The following POLN variants were observed in gnomAD, a reference collection of about 807,000 sequenced individuals.
The protein encoded by POLN is DNA polymerase N.
In POLN, 108 loss-of-function variants were observed where a neutral mutation model predicts 113.5. The ratio of observed to expected loss-of-function variants is 0.95; its 90% CI spans 0.81 to 1.12. The LOEUF (loss-of-function observed/expected upper bound fraction) is 1.12. Among genes scored for constraint, POLN ranks in the 50% most tolerant of loss-of-function variants. The pLI is 0.00. For missense variants in POLN, 1,097 were observed against 1,077.1 expected, an observed-to-expected ratio of 1.02 and a Z score of -0.26; for synonymous variants, 386 against 391.5, an observed-to-expected ratio of 0.99 and a Z score of 0.17.
intron 23 of POLN, chr4:2,078,473 CTT>C (rs943435658): frequency 0.017 from 8,615 of 515,570 alleles, no homozygotes; most frequent in Non-Finnish European, 0.019. Flanking sequence ...TCTTCTTCTT[CTT>C]TTTTTTTTTT....
intron 5 of POLN, among the ~76,000 whole-genome samples, chr4:2,205,905 A>G (rs1733831462): frequency 6.6e-6 from 1 of 151,898 alleles, no homozygotes; most frequent in African/African-American, 2.4e-5. Flanking sequence ...CTTAAAATTC[A>G]TATGGAGCAA....
chr4:2,176,574 G>A (rs984836438), intron 8 of POLN, among the ~76,000 whole-genome samples: 1 of 152,142 alleles, frequency 6.6e-6, no homozygotes, highest in African/African-American at 2.4e-5. Flanking sequence ...CCTCCCAACC[G>A]AGGGTATTTC....
chr4:2,184,698 G>A (rs1041880907), intron 7 of POLN, among the ~76,000 whole-genome samples: 1 of 152,118 alleles, frequency 6.6e-6, no homozygotes, highest in Admixed American at 6.5e-5. Context: ...TGAAGAAATG[G>A]CTAATTTCAG....
At chr4:2,097,366 T>C (rs938064562) in intron 19 of POLN, among the ~76,000 whole-genome samples, 17 of 151,900 alleles carry the variant, frequency 1.1e-4, no homozygotes, top group Non-Finnish European at 2.5e-4. Flanking sequence ...TTTTTTTTTT[T>C]TTGAGACAGA....
intron 19 of POLN, among the ~76,000 whole-genome samples, chr4:2,113,410 T>C (rs1731245067): frequency 6.6e-6 from 1 of 152,028 alleles, no homozygotes; most frequent in Admixed American, 6.6e-5. Context: ...AAAGATATTA[T>C]AATATGCATC....
intron 2 of POLN, chr4:2,236,338 C>A (rs1258450753): frequency 6.2e-7 from 1 of 1,612,930 alleles, no homozygotes; most frequent in Non-Finnish European, 8.5e-7. Flanking sequence ...GCAGATACTG[C>A]CAACTGATCT....
chr4:2,198,682 TAAC>T lies in POLN; in HGVS notation c.747_749del (p.Leu250del), dbSNP rs1733640773. ...GGCCACCCTCTGCTTGGCGTTTTACTAACACCACAATTCCTCTAACAGAAGAAA... is the reference window on the plus strand; with the variant it reads ...GGCCACCCTCTGCTTGGCGTTTTACTACCACAATTCCTCTAACAGAAGAAA... On this transcript the variant is annotated inframe_deletion, in exon 6 of 26. Coordinates refer to ENST00000511885, the MANE Select transcript of POLN (RefSeq NM_181808.4). 1 of 1,612,518 alleles carries T rather than the reference TAAC, an allele frequency of 6.2e-7. No individual in the cohort carries two copies. Among genetic ancestry groups the T allele is most frequent in the Non-Finnish European group, 8.5e-7 (1 of 1,179,506 alleles).
intron 7 of POLN, among the ~76,000 whole-genome samples, chr4:2,187,139 T>A (rs747894590): frequency 6.6e-6 from 1 of 152,118 alleles, no homozygotes; most frequent in Non-Finnish European, 1.5e-5. Flanking sequence ...AAAGAGCAAA[T>A]CTAAGAATTA....
In POLN at chr4:2,131,251, T is replaced by C. The variant is rs1251794380; in HGVS notation, c.1771A>G (p.Thr591Ala). ...GISKHPIQIT[T>A]PKNFKGKEDK... ...GAGTTACCTTTAAAATTCTTAGGTG[T>C]AGTAATCTGAATTGGGTGCTTGGAG... The change falls in exon 17 of 26, where the codon ACA becomes GCA. Residue 591 changes from threonine (T) to alanine (A), a missense_variant. Coordinates refer to ENST00000511885, the MANE Select transcript of POLN (RefSeq NM_181808.4). 6.3e-7 allele frequency: 1 copy of C among 1,592,396 alleles called. No individual in the cohort carries two copies. Among genetic ancestry groups the C allele is most frequent in the South Asian group, 1.1e-5 (1 of 90,122 alleles).
chr4:2,149,125 C>A (rs1561041331), intron 16 of POLN, among the ~76,000 whole-genome samples: 1 of 152,052 alleles, frequency 6.6e-6, no homozygotes, highest in East Asian at 1.9e-4. Context: ...GAAACCCCAT[C>A]TCTACAAAAA....
chr4:2,150,937 T>A (rs1266657301), intron 16 of POLN, among the ~76,000 whole-genome samples: 1 of 152,178 alleles, frequency 6.6e-6, no homozygotes, highest in African/African-American at 2.4e-5. Context: ...AGATACAATA[T>A]CAAAGCATGA....
intron 11 of POLN, among the ~76,000 whole-genome samples, chr4:2,173,631 CATCTCTGT>C (rs1732920485): frequency 6.6e-6 from 1 of 152,076 alleles, no homozygotes; most frequent in South Asian, 2.1e-4. Flanking sequence ...CATCTTTACA[CATCTCTGT>C]ATTTTTGTTT....
At chr4:2,110,405 GA>G in intron 19 of POLN, among the ~76,000 whole-genome samples, 1 of 152,142 alleles carries the variant, frequency 6.6e-6, no homozygotes, top group East Asian at 1.9e-4. Flanking sequence ...AGAACTGAAG[GA>G]AATAGAGACA....
chr4:2,089,899 CT>C, intron 20 of POLN: 1 of 1,009,616 alleles, frequency 9.9e-7, no homozygotes. Flanking sequence ...TGATGGCTGA[CT>C]TTCACAGGAA....
intron 16 of POLN, among the ~76,000 whole-genome samples, chr4:2,152,331 C>A (rs1258026583): frequency 6.7e-6 from 1 of 150,174 alleles, no homozygotes; most frequent in Non-Finnish European, 1.5e-5. Flanking sequence ...AGCCATTGCA[C>A]CTGGCCTGAT....
intron 4 of POLN, among the ~76,000 whole-genome samples, chr4:2,208,880 C>T (rs1448404163): frequency 2.6e-5 from 4 of 151,972 alleles, no homozygotes; most frequent in East Asian, 3.9e-4. Context: ...TCCAGCTACT[C>T]GGGAGGCTGA....
chr4:2,079,041 C>A (rs1457948317), intron 23 of POLN: 9 of 509,334 alleles, frequency 1.8e-5, no homozygotes, highest in Non-Finnish European at 2.3e-5. Context: ...GTGATCCTCC[C>A]ACTTCAGCCT....
In POLN at chr4:2,146,535, T is replaced by A. The variant is rs75745372; in HGVS notation, c.1731+10253A>T. On this transcript the variant is annotated intron_variant, in intron 16 of 25. Coordinates refer to ENST00000511885, the MANE Select transcript of POLN (RefSeq NM_181808.4). ...CAACAACAAAAGCACTCAAGTAATG[T>A]TGAAGCTTTTAAGCTGAATGATGAA... Among the ~76,000 whole-genome samples the A allele has an allele frequency of 2.2e-3, 329 of 152,216 alleles. 1 individual carries two copies. Among genetic ancestry groups the A allele is most frequent in the African/African-American group, 7.5e-3 (311 of 41,526 alleles).
In POLN at chr4:2,198,644, T is replaced by C; in HGVS notation, c.788A>G (p.Asp263Gly). 3 of 1,613,902 alleles carry C rather than the reference T, an allele frequency of 1.9e-6. No homozygotes were observed. The highest frequency in any genetic ancestry group is 2.5e-6 in the Non-Finnish European group (3 of 1,179,970). ...RQAEGGHGCPDAPACGPVLEG... is the reference protein window; with the variant it reads ...RQAEGGHGCPGAPACGPVLEG... ...CAGAACAGGACCACAGGCCGGGGCATCTGGACAGCCATGGCCACCCTCTGC... is the reference window on the plus strand; with the variant it reads ...CAGAACAGGACCACAGGCCGGGGCACCTGGACAGCCATGGCCACCCTCTGC... Residue 263 changes from aspartate (D) to glycine (G), a missense_variant, in exon 6 of 26, where the codon GAT becomes GGT. Coordinates refer to ENST00000511885, the MANE Select transcript of POLN (RefSeq NM_181808.4).
Sources: gnomAD v4.1 joint callset for allele counts (sites outside exome capture counted in the v4.1 genomes callset) on GRCh38, gnomAD v4.1.1 for gene constraint, MANE v1.5 for transcripts, NCBI Gene and HGNC (gene_info 2026-07-23, HGNC 2026-07-21) for gene names.